Variants in ATP2A3 observed in about 807,000 individuals in gnomAD.
The protein encoded by ATP2A3 is sarcoplasmic/endoplasmic reticulum calcium ATPase 3.
ATP2A3 carries 61 observed loss-of-function variants against 106.8 expected under a neutral mutation model. The ratio of observed to expected loss-of-function variants is 0.57; its 90% CI spans 0.46 to 0.71. The LOEUF (loss-of-function observed/expected upper bound fraction) is 0.71, where lower values mean the gene tolerates loss of function less well. ATP2A3 is among the 30% of genes least tolerant of loss of function. The pLI is 0.00. For synonymous variants in ATP2A3, 611 were observed against 609.3 expected (o/e 1.00, Z -0.04); for missense variants, 1,201 against 1,423.5 (o/e 0.84, Z 2.52).
intron 8 of ATP2A3, among the ~76,000 whole-genome samples, chr17:3,946,601 TA>T (rs2054132384): frequency 6.6e-6 from 1 of 152,166 alleles, no homozygotes; most frequent in Non-Finnish European, 1.5e-5. Flanking sequence ...TCTGTTTAAA[TA>T]AAATCCTATG....
chr17:3,942,530 G>C (rs2053839007), intron 12 of ATP2A3, 76 bp downstream of exon 12: 9 of 1,571,466 alleles, frequency 5.7e-6, no homozygotes, highest in African/African-American at 1.3e-5. Flanking sequence ...CGGGAGGACT[G>C]GGGCTCACAG....
intron 20 of ATP2A3, chr17:3,927,201 C>T: frequency 1.0e-6 from 1 of 985,470 alleles, no homozygotes; most frequent in African/African-American, 1.7e-5. Flanking sequence ...CTAGGACCCT[C>T]CCGCTCTTTA....
chr17:3,951,312 G>A lies in ATP2A3; in HGVS notation c.402C>T (p.Arg134=). The change falls in exon 5 of 21, where the codon CGC becomes CGT. Residue 134 remains arginine (R), a synonymous_variant. Coordinates refer to ENST00000397041, the MANE Select transcript of ATP2A3 (RefSeq NM_005173.4). ...PEMGKVIRSD[R]KGVQRIRARD... is the part of the protein sequence containing the mutation. ...GGGCACGGATCCTCTGCACGCCCTT[G>A]CGGTCCGAGCGGATCACCTTGCCCA... The A allele has an allele frequency of 6.2e-7, 1 of 1,613,912 alleles. No homozygotes were observed. Among genetic ancestry groups the A allele is most frequent in the Non-Finnish European group, 8.5e-7 (1 of 1,180,020 alleles).
At position 3,951,640 on chromosome 17, in the gene ATP2A3, C is replaced by T. The variant is rs202008830; in HGVS notation, c.265G>A (p.Val89Met). The change falls in exon 4 of 21, where the codon GTG (valine) becomes ATG (methionine). Residue 89 changes from valine to methionine, a missense_variant. Coordinates refer to ENST00000397041, the MANE Select transcript of ATP2A3 (RefSeq NM_005173.4). ...EEGEETTTAF[V>M]EPLVIMLILV... is the part of the protein sequence containing the mutation. The stretch of plus-strand genomic sequence containing the variant: ...ATCAGCATGATGACCAGGGGCTCCA[C>T]GAAGGCGGTCGTGGTCTCCTCGCCC... 2.6e-4 allele frequency: 411 copies of T among 1,611,656 alleles called. 1 individual carries two copies. Among genetic ancestry groups the T allele is most frequent in the Non-Finnish European group, 3.3e-4 (385 of 1,179,410 alleles).
At chr17:3,943,307 A>C in intron 11 of ATP2A3, 84 bp downstream of exon 11, 2 of 1,558,362 alleles carry the variant, frequency 1.3e-6, no homozygotes, top group Non-Finnish European at 1.7e-6. Context: ...CAAAACAAAA[A>C]CTTCAGTGTC....
In ATP2A3 at chr17:3,930,333, G is replaced by A. The variant is rs368016888; in HGVS notation, c.2712C>T (p.Leu904=). The change falls in exon 18 of 21, where the codon CTC becomes CTT. Residue 904 remains leucine (L), a synonymous_variant. Transcript: ENST00000397041. The surrounding 1 kb of genome is among the most constrained non-coding windows in gnomAD (Gnocchi z 5.4). Reference sequence around the variant, plus strand: ...GGGCATTGCACATTTCAATGGTCACGAGCACGGACAAGGCCATGGTGGTGG... The same window carrying A: ...GGGCATTGCACATTTCAATGGTCACAAGCACGGACAAGGCCATGGTGGTGG... ...RFPTTMALSV[L]VTIEMCNALN... 3.8e-5 allele frequency: 61 copies of A among 1,610,084 alleles called. No individual in the cohort carries two copies. Among genetic ancestry groups the A allele is most frequent in the East Asian group, 2.2e-4 (10 of 44,762 alleles).
chr17:3,961,101 G>A (rs1022192455), intron 1 of ATP2A3, among the ~76,000 whole-genome samples: 2 of 152,176 alleles, frequency 1.3e-5, no homozygotes, highest in Non-Finnish European at 2.9e-5. Flanking sequence ...TCCTGCTTCC[G>A]TGTGGGAAAA....
rs557428564 is a variant in ATP2A3, at chr17:3,924,412, G to A, written c.*1010C>T. On this transcript the variant is annotated 3_prime_UTR_variant, in exon 21 of 21. Coordinates refer to ENST00000397041, the MANE Select transcript of ATP2A3 (RefSeq NM_005173.4). The surrounding 1 kb of genome is among the most constrained non-coding windows in gnomAD (Gnocchi z 6.4). ...CAGCCATCCTTAGTGACATCCTTTCGGCTCATGGGTGTCGTGGGGAGGGGG... is the reference window on the plus strand; with the variant it reads ...CAGCCATCCTTAGTGACATCCTTTCAGCTCATGGGTGTCGTGGGGAGGGGG... 16 of 193,214 alleles carry A rather than the reference G, an allele frequency of 8.3e-5. No homozygotes were observed. The highest frequency in any genetic ancestry group is 2.8e-4 in the African/African-American group (12 of 42,354). 12.0% of individuals were successfully genotyped at this position (193,214 alleles called of 1,614,324 possible).
In ATP2A3 at chr17:3,936,779, G is replaced by C. The variant is rs1357284965; in HGVS notation, c.2322-310C>G. On this transcript the variant is annotated intron_variant, in intron 15 of 20. Transcript: ENST00000397041. This position sits in a 1 kb window ranked among gnomAD's most constrained non-coding sequence, Gnocchi z 5.4. ...ACGCACACGAAGAGGGCATGCCCAA[G>C]AATCAGACATGTGCAAAAACCTAGC... 2.3e-6 allele frequency: 1 copy of C among 436,162 alleles called. No homozygotes were observed. Among genetic ancestry groups the C allele is most frequent in the Non-Finnish European group, 4.3e-6 (1 of 233,264 alleles). The allele number at this position is 436,162 out of a possible 1,614,324, so 27.0% of individuals were successfully genotyped here.
intron 1 of ATP2A3, among the ~76,000 whole-genome samples, chr17:3,956,793 G>A (rs960652143): frequency 1.3e-5 from 2 of 152,204 alleles, no homozygotes; most frequent in African/African-American, 4.8e-5. Context: ...AGCTGAACCT[G>A]ACTGATACCC....
At chr17:3,940,481 T>C (rs1363117151) in intron 14 of ATP2A3, among the ~76,000 whole-genome samples, 1 of 152,188 alleles carries the variant, frequency 6.6e-6, no homozygotes, top group Non-Finnish European at 1.5e-5. Context: ...ATGATAGACA[T>C]GTAGGTGTTC....
At chr17:3,932,247 G>A (rs2053146365) in intron 17 of ATP2A3, among the ~76,000 whole-genome samples, 1 of 151,936 alleles carries the variant, frequency 6.6e-6, no homozygotes, top group Admixed American at 6.6e-5. Flanking sequence ...AAGTTCGAGC[G>A]ATTCTTCTGC....
At position 3,936,253 on chromosome 17, in the gene ATP2A3, C is replaced by G. The variant is rs1329230773; in HGVS notation, c.2524+14G>C. Reference sequence around the variant, plus strand: ...AAGCTTAGGAATTCCACGGAGGGCTCAGGCCCCACTCACCTCCGATAGCCA... The same window carrying G: ...AAGCTTAGGAATTCCACGGAGGGCTGAGGCCCCACTCACCTCCGATAGCCA... On this transcript the variant is annotated intron_variant, in intron 16 of 20. Transcript: ENST00000397041. This position sits in a 1 kb window ranked among gnomAD's most constrained non-coding sequence, Gnocchi z 5.4. The G allele has an allele frequency of 1.2e-6, 2 of 1,613,598 alleles. No homozygotes were observed. The highest frequency in any genetic ancestry group is 2.7e-5 in the African/African-American group (2 of 74,892).
intron 1 of ATP2A3, among the ~76,000 whole-genome samples, chr17:3,959,363 C>A (rs940367094): frequency 6.6e-6 from 1 of 152,216 alleles, no homozygotes; most frequent in Non-Finnish European, 1.5e-5. Flanking sequence ...CCCCACCACA[C>A]TGGAACACTT....
In ATP2A3 at chr17:3,925,619, G is replaced by C. The variant is rs2052666337; in HGVS notation, c.2981-178C>G. On this transcript the variant is annotated intron_variant, in intron 20 of 20. Coordinates refer to ENST00000397041, the MANE Select transcript of ATP2A3 (RefSeq NM_005173.4). This position sits in a 1 kb window ranked among gnomAD's most constrained non-coding sequence, Gnocchi z 4.2. The stretch of plus-strand genomic sequence containing the variant: ...CACCGGACCCCCCAAGCTGCATCCA[G>C]GATCCATCCCCGCAACGTCCCCCAC... Among the ~76,000 whole-genome samples the C allele has an allele frequency of 7.0e-6, 1 of 143,110 alleles. No individual in the cohort carries two copies. Among genetic ancestry groups the C allele is most frequent in the Non-Finnish European group, 1.5e-5 (1 of 65,964 alleles). The allele number at this position is 143,110 out of a possible 152,430, so 93.9% of individuals were successfully genotyped here.
chr17:3,951,757 C>A, intron 3 of ATP2A3, 72 bp from the exon 4 acceptor site: 3 of 1,407,038 alleles, frequency 2.1e-6, no homozygotes, highest in East Asian at 2.5e-5. Context: ...CTTGGCACCC[C>A]GGATCTCCTG....
At chr17:3,959,831 G>A (rs1417284925) in intron 1 of ATP2A3, among the ~76,000 whole-genome samples, 1 of 152,218 alleles carries the variant, frequency 6.6e-6, no homozygotes, top group African/African-American at 2.4e-5. Context: ...GCTCTGCAGC[G>A]GGGCCTGCAG....
At position 3,925,528 on chromosome 17, in the gene ATP2A3, C is replaced by T. The variant is rs1076902; in HGVS notation, c.2981-87G>A. The stretch of plus-strand genomic sequence containing the variant: ...TCCTTCCAGCCCCTTCCATCCTCCA[C>T]TTCTCCCAGGACAGCCCCAGGCTCC... On this transcript the variant is annotated intron_variant, in intron 20 of 20. Coordinates refer to ENST00000397041, the MANE Select transcript of ATP2A3 (RefSeq NM_005173.4). The surrounding 1 kb of genome is among the most constrained non-coding windows in gnomAD (Gnocchi z 4.2). 179,918 of 1,509,826 alleles carry T rather than the reference C, an allele frequency of 0.12. 12,279 individuals are homozygous for T. Among genetic ancestry groups the T allele is most frequent in the East Asian group, 0.3 (12,628 of 41,796 alleles). 93.5% of individuals were successfully genotyped at this position (1,509,826 alleles called of 1,614,324 possible). A position where few individuals can be genotyped will look rare whatever the true frequency, so the allele number is the denominator to read the frequency against.
At chr17:3,944,309 C>T (rs1023988991) in intron 10 of ATP2A3, among the ~76,000 whole-genome samples, 9 of 152,216 alleles carry the variant, frequency 5.9e-5, no homozygotes, top group Non-Finnish European at 8.8e-5. Context: ...TTTGGGCAGA[C>T]GCCTGCTGCA....
Sources: gnomAD v4.1 joint callset for allele counts (sites outside exome capture counted in the v4.1 genomes callset) on GRCh38, gnomAD v4.1.1 for gene constraint, Gnocchi (gnomAD v3.1) non-coding constraint, MANE v1.5 for transcripts, NCBI Gene and HGNC (gene_info 2026-07-23, HGNC 2026-07-21) for gene names.